Variants in TAF1B observed in about 807,000 individuals in gnomAD.
TAF1B encodes the protein TATA box-binding protein-associated factor RNA polymerase I subunit B.
Under a neutral mutation model 83.9 loss-of-function variants are expected in TAF1B, and 61 were observed. The ratio of observed to expected loss-of-function variants is 0.73; its 90% CI spans 0.59 to 0.90. TAF1B has a LOEUF of 0.90. TAF1B is among the 40% of genes least tolerant of loss of function. The pLI is 0.00. For synonymous variants in TAF1B, 221 were observed against 224.6 expected, an observed-to-expected ratio of 0.98 and a Z score of 0.14; for missense variants, 625 against 677.0, an observed-to-expected ratio of 0.92 and a Z score of 0.85.
intron 14 of TAF1B, among the ~76,000 whole-genome samples, chr2:9,923,025 C>G (rs1318841606): frequency 2.0e-5 from 3 of 152,160 alleles, no homozygotes; most frequent in African/African-American, 7.2e-5. Flanking sequence ...AGGTGGATCA[C>G]TTGAGTCCAG....
chr2:9,847,118 C>T (rs1358199131), intron 2 of TAF1B, among the ~76,000 whole-genome samples: 1 of 152,174 alleles, frequency 6.6e-6, no homozygotes, highest in Non-Finnish European at 1.5e-5. Flanking sequence ...TTGATCAAAT[C>T]TGCTGCAGTC....
In TAF1B at chr2:9,847,573, C is replaced by T. The variant is rs62129895; in HGVS notation, c.118-1800C>T. Among the ~76,000 whole-genome samples, 410 of 152,106 alleles carry T rather than the reference C, an allele frequency of 2.7e-3. 14 individuals carry two copies. The East Asian group carries it at 0.063, about 23-fold the overall frequency. On this transcript the variant is annotated intron_variant, in intron 2 of 14. Transcript: ENST00000263663. ...GCATGTAACTGTCAAGCTCCAGACA[C>T]GCTCTGCAATCTGGGAAAGGCCTTC...
chr2:9,862,676 G>T (rs775198370), intron 5 of TAF1B, among the ~76,000 whole-genome samples: 1 of 152,182 alleles, frequency 6.6e-6, no homozygotes, highest in Non-Finnish European at 1.5e-5. Context: ...AGGAAAACAT[G>T]TTAAGGGCAG....
intron 14 of TAF1B, among the ~76,000 whole-genome samples, chr2:9,930,225 A>T (rs1456885257): frequency 6.6e-6 from 1 of 150,904 alleles, no homozygotes; most frequent in African/African-American, 2.4e-5. Flanking sequence ...CTAGCTTTTG[A>T]ATTTGTTTGC....
At chr2:9,863,132 A>T (rs1002978991) in intron 5 of TAF1B, among the ~76,000 whole-genome samples, 1 of 152,252 alleles carries the variant, frequency 6.6e-6, no homozygotes, top group Non-Finnish European at 1.5e-5. Flanking sequence ...AAATGCTCCA[A>T]TTAAAAGACA....
chr2:9,896,622 A>T (rs867923358), intron 8 of TAF1B, among the ~76,000 whole-genome samples: 3 of 39,882 alleles, frequency 7.5e-5, no homozygotes, highest in African/African-American at 3.0e-4. Context: ...CTAAAAACCA[A>T]AAAAAAAAAA....
At chr2:9,908,078 C>G (rs916884908) in intron 9 of TAF1B, among the ~76,000 whole-genome samples, 4 of 75,470 alleles carry the variant, frequency 5.3e-5, no homozygotes, top group African/African-American at 8.2e-5. Flanking sequence ...CAAAGTCTCA[C>G]TCTGTCACCC....
chr2:9,863,073 C>G (rs183431524), intron 5 of TAF1B, among the ~76,000 whole-genome samples: 8 of 152,294 alleles, frequency 5.3e-5, no homozygotes, highest in Admixed American at 3.3e-4. Context: ...ATCATAATGA[C>G]AGGATCAGAT....
chr2:9,899,094 A>G (rs549497920), intron 8 of TAF1B, among the ~76,000 whole-genome samples: 2 of 152,262 alleles, frequency 1.3e-5, no homozygotes, highest in African/African-American at 4.8e-5. Context: ...ATCCATCACC[A>G]CCATCCATCT....
At chr2:9,845,455 G>A (rs1663175697) in intron 2 of TAF1B, 137 bp downstream of exon 2, 1 of 637,878 alleles carries the variant, frequency 1.6e-6, no homozygotes, top group Non-Finnish European at 2.8e-6. Flanking sequence ...GATGCATGTG[G>A]TCTTAGGTAC....
At chr2:9,911,864 G>A (rs1484715912) in intron 11 of TAF1B, among the ~76,000 whole-genome samples, 1 of 152,064 alleles carries the variant, frequency 6.6e-6, no homozygotes. Context: ...CGATTCTGAT[G>A]CTTTCAGCCT....
intron 8 of TAF1B, among the ~76,000 whole-genome samples, chr2:9,884,536 G>A (rs929545031): frequency 1.3e-5 from 2 of 152,254 alleles, no homozygotes; most frequent in African/African-American, 4.8e-5. Context: ...CCCACAGCGG[G>A]CAGCTCCTTT....
chr2:9,861,668 C>A (rs902429316), intron 5 of TAF1B, among the ~76,000 whole-genome samples: 2 of 152,242 alleles, frequency 1.3e-5, no homozygotes, highest in African/African-American at 4.8e-5. Context: ...TCCCTGATCC[C>A]TGAGTAGCCT....
intron 14 of TAF1B, among the ~76,000 whole-genome samples, chr2:9,920,951 A>G (rs910819169): frequency 6.6e-6 from 1 of 152,184 alleles, no homozygotes; most frequent in African/African-American, 2.4e-5. Context: ...TTTTGACTTC[A>G]TCAGGTTTAA....
intron 5 of TAF1B, among the ~76,000 whole-genome samples, chr2:9,858,474 A>G (rs555874435): frequency 6.6e-6 from 1 of 152,352 alleles, no homozygotes; most frequent in South Asian, 2.1e-4. Flanking sequence ...CTGCAAGACG[A>G]TGGCCCTCTT....
In TAF1B at chr2:9,843,498, C is replaced by A; in HGVS notation, c.-44C>A. On this transcript the variant is annotated 5_prime_UTR_variant, in exon 1 of 15. Coordinates refer to ENST00000263663, the MANE Select transcript of TAF1B (RefSeq NM_005680.3). Reference sequence around the variant, plus strand: ...CCTTTCCCGGAAGCTGCGCTCGCTACCCGGGTAACGGGTCCCGGCTGTGGA... The same window carrying A: ...CCTTTCCCGGAAGCTGCGCTCGCTAACCGGGTAACGGGTCCCGGCTGTGGA... The A allele has an allele frequency of 1.3e-6, 2 of 1,520,474 alleles. No individual in the cohort carries two copies. Among genetic ancestry groups the A allele is most frequent in the Non-Finnish European group, 1.8e-6 (2 of 1,129,498 alleles). The allele number at this position is 1,520,474 out of a possible 1,614,324, so 94.2% of individuals were successfully genotyped here.
chr2:9,912,004 C>T (rs1293831460), intron 11 of TAF1B, among the ~76,000 whole-genome samples: 1 of 152,234 alleles, frequency 6.6e-6, no homozygotes, highest in African/African-American at 2.4e-5. Flanking sequence ...GGTCTTCACA[C>T]CTATCCACTT....
chr2:9,882,653 C>A, intron 7 of TAF1B, 53 bp from the exon 8 acceptor site: 1 of 1,181,862 alleles, frequency 8.5e-7, no homozygotes, highest in South Asian at 1.8e-5. Flanking sequence ...AGCATTTACT[C>A]TGCTATATCA....
chr2:9,876,231 A>G (rs1259829205), intron 7 of TAF1B, among the ~76,000 whole-genome samples: 1 of 152,224 alleles, frequency 6.6e-6, no homozygotes, highest in Non-Finnish European at 1.5e-5. Flanking sequence ...AAATTATAGT[A>G]CTTACCACAC....
Sources: gnomAD v4.1 joint callset for allele counts (sites outside exome capture counted in the v4.1 genomes callset) on GRCh38, gnomAD v4.1.1 for gene constraint, MANE v1.5 for transcripts, NCBI Gene and HGNC (gene_info 2026-07-23, HGNC 2026-07-21) for gene names.